IFT88: variants seen among roughly 807,000 people sequenced by gnomAD.
The protein encoded by IFT88 is intraflagellar transport protein 88 homolog.
IFT88 carries 74 observed loss-of-function variants against 119.5 expected under a neutral mutation model. The ratio of observed to expected loss-of-function variants is 0.62; its 90% CI spans 0.51 to 0.75. The LOEUF (loss-of-function observed/expected upper bound fraction) is 0.75. Ranked by LOEUF, IFT88 falls within the 30% of genes least tolerant of loss-of-function variation. The pLI, the probability that IFT88 is intolerant of heterozygous loss-of-function variation, is 0.00. For missense variants in IFT88, 961 were observed against 977.7 expected, an observed-to-expected ratio of 0.98 and a Z score of 0.23; for synonymous variants, 279 against 316.7, an observed-to-expected ratio of 0.88 and a Z score of 1.26.
intron 8 of IFT88, 54 bp downstream of exon 8, chr13:20,596,294 C>A: frequency 1.4e-6 from 1 of 732,054 alleles, no homozygotes; most frequent in Admixed American, 2.2e-5. Flanking sequence ...TGTATGTCTG[C>A]TTTTATACAT....
intron 20 of IFT88, among the ~76,000 whole-genome samples, chr13:20,652,052 T>C (rs151279967): frequency 0.01 from 1,524 of 152,202 alleles, 26 homozygotes; most frequent in African/African-American, 0.034. Flanking sequence ...TCAGAAGTTA[T>C]TGGGGATTGT....
intron 24 of IFT88, among the ~76,000 whole-genome samples, chr13:20,686,569 A>C (rs200483892): frequency 6.6e-6 from 1 of 151,692 alleles, no homozygotes; most frequent in Non-Finnish European, 1.5e-5. Flanking sequence ...AAATTGATAC[A>C]TTTTTTCTTA....
chr13:20,605,816 T>C (rs1288580676), intron 13 of IFT88, among the ~76,000 whole-genome samples: 1 of 152,184 alleles, frequency 6.6e-6, no homozygotes, highest in Non-Finnish European at 1.5e-5. Context: ...GAAAATACTT[T>C]ATTTGTACTT....
chr13:20,644,237 T>C (rs2050398179), intron 19 of IFT88, among the ~76,000 whole-genome samples: 1 of 151,990 alleles, frequency 6.6e-6, no homozygotes, highest in Non-Finnish European at 1.5e-5. Flanking sequence ...TGGTGGCCCA[T>C]ACCTTTAATC....
At chr13:20,609,494 A>G (rs1218482040) in intron 13 of IFT88, among the ~76,000 whole-genome samples, 1 of 152,100 alleles carries the variant, frequency 6.6e-6, no homozygotes, top group East Asian at 1.9e-4. Context: ...CGGTGGTTCA[A>G]CCCTGTAATC....
In IFT88 at chr13:20,591,097, T is replaced by C. The variant is rs891840846; in HGVS notation, c.264+77T>C. ...TTACTACCAAAGTTTTTTTACTTTA[T>C]TATATTATTTTAAAATGTTAAAGAA... On this transcript the variant is annotated intron_variant, in intron 5 of 25. Transcript: ENST00000351808. The C allele has an allele frequency of 1.6e-4, 146 of 922,462 alleles. No individual in the cohort carries two copies. The South Asian group carries it at 2.2e-3, about 14-fold the overall frequency. 57.1% of individuals were successfully genotyped at this position (922,462 alleles called of 1,614,324 possible). A position where few individuals can be genotyped will look rare whatever the true frequency, so the allele number is the denominator to read the frequency against.
In IFT88 at chr13:20,638,366, A is replaced by T. The variant is rs756856359; in HGVS notation, c.1421A>T (p.Asp474Val). The change falls in exon 17 of 26, where the codon GAT becomes GTT. Residue 474 changes from aspartate (D) to valine (V), a missense_variant. Coordinates refer to ENST00000351808, the MANE Select transcript of IFT88 (RefSeq NM_006531.5). ...KDFAQASSYA[D>V]IAVNSDRYNP... ...TTTGCACAAGCCAGCAGCTATGCAG[A>T]TATAGCTGTGAACTCTGATAGATAT... The T allele has an allele frequency of 1.4e-6, 2 of 1,446,118 alleles. No homozygotes were observed. Among genetic ancestry groups the T allele is most frequent in the East Asian group, 5.2e-5 (2 of 38,492 alleles). The allele number at this position is 1,446,118 out of a possible 1,614,324, so 89.6% of individuals were successfully genotyped here. A position where few individuals can be genotyped will look rare whatever the true frequency, so the allele number is the denominator to read the frequency against.
intron 23 of IFT88, among the ~76,000 whole-genome samples, chr13:20,666,850 A>G (rs114813352): frequency 0.012 from 1,858 of 152,364 alleles, 36 homozygotes; most frequent in African/African-American, 0.043. Context: ...CTATCCCACC[A>G]CTTAGACATC....
At chr13:20,641,211 A>C (rs548922617) in intron 17 of IFT88, 79 bp from the exon 18 acceptor site, 5 of 792,540 alleles carry the variant, frequency 6.3e-6, no homozygotes, top group African/African-American at 5.3e-5. Context: ...ATATATTTTG[A>C]GATTTATTCT....
intron 14 of IFT88, among the ~76,000 whole-genome samples, chr13:20,618,166 C>T (rs1046738321): frequency 1.3e-5 from 2 of 152,090 alleles, no homozygotes; most frequent in Non-Finnish European, 2.9e-5. Context: ...GTGATCCGCT[C>T]GCCTTGGCCT....
chr13:20,596,242 T>A lies in IFT88; in HGVS notation c.489+2T>A, dbSNP rs537503008. The A allele has an allele frequency of 7.8e-6, 11 of 1,402,894 alleles. No individual in the cohort carries two copies. In the South Asian group the frequency reaches 1.4e-4, roughly 18 times the overall value. The allele number at this position is 1,402,894 out of a possible 1,614,324, so 86.9% of individuals were successfully genotyped here. ...AATAGTTGTGGAGACTTAAAATTGG[T>A]AAGTTCATAAACAAGATTCAAAATT... On this transcript the variant is annotated splice_donor_variant, in intron 8 of 25. Transcript: ENST00000351808. LOFTEE classifies it high-confidence loss of function.
intron 11 of IFT88, among the ~76,000 whole-genome samples, chr13:20,600,749 T>C (rs1318962089): frequency 6.6e-6 from 1 of 152,244 alleles, no homozygotes; most frequent in Admixed American, 6.5e-5. Context: ...TGACCAGCAA[T>C]TCTGCTTTTA....
chr13:20,614,214 T>C (rs1458828421), intron 13 of IFT88: 1 of 152,226 alleles, frequency 6.6e-6, no homozygotes, highest in Non-Finnish European at 1.5e-5. Flanking sequence ...CTTCATTATT[T>C]TTAAATCAAT....
intron 14 of IFT88, among the ~76,000 whole-genome samples, chr13:20,621,875 C>T (rs1000628061): frequency 1.3e-5 from 2 of 152,192 alleles, no homozygotes; most frequent in African/African-American, 4.8e-5. Flanking sequence ...CCCTAAAAAT[C>T]TCCTGTGTTG....
chr13:20,594,369 A>G (rs978682280), intron 7 of IFT88, among the ~76,000 whole-genome samples: 3 of 152,214 alleles, frequency 2.0e-5, no homozygotes, highest in African/African-American at 7.2e-5. Flanking sequence ...TGAAGCAGAT[A>G]TGCCTTCATT....
intron 2 of IFT88, among the ~76,000 whole-genome samples, chr13:20,581,306 T>A (rs2138267740): frequency 6.6e-6 from 1 of 152,322 alleles, no homozygotes; most frequent in Admixed American, 6.5e-5. Flanking sequence ...AAAAGTTGTA[T>A]AAGTTTGGTG....
chr13:20,574,447 A>G lies in IFT88; in HGVS notation c.62A>G (p.Asn21Ser). Reference protein sequence around the residue: ...TDEDDLYSGYNDYNPIYDIEE... With the variant: ...TDEDDLYSGYSDYNPIYDIEE... ...GAAGATGATCTTTATTCCGGCTATA[A>G]TGACTACAATCCAATCTATGATATC... The change falls in exon 2 of 26, where the codon AAT becomes AGT. Residue 21 changes from asparagine (N) to serine (S), a missense_variant. Physicochemically the swap from Asn to Ser is conservative, Grantham distance 46 (BLOSUM62 1). Coordinates refer to ENST00000351808, the MANE Select transcript of IFT88 (RefSeq NM_006531.5). 1 of 1,608,474 alleles carries G rather than the reference A, an allele frequency of 6.2e-7. No individual in the cohort carries two copies. The highest frequency in any genetic ancestry group is 1.7e-5 in the Admixed American group (1 of 59,898).
intron 8 of IFT88, 50 bp from the exon 9 acceptor site, chr13:20,596,965 A>G (rs1566122868): frequency 3.9e-6 from 4 of 1,020,370 alleles, no homozygotes; most frequent in African/African-American, 3.3e-5. Context: ...CAAATGCATA[A>G]AAGTTGATGA....
intron 22 of IFT88, chr13:20,663,161 G>C: frequency 1.0e-6 from 1 of 955,554 alleles, no homozygotes; most frequent in Non-Finnish European, 1.4e-6. Flanking sequence ...CTCTCTTATA[G>C]CTCTTTATAT....
Sources: allele counts gnomAD v4.1 joint callset (sites outside exome capture counted in the v4.1 genomes callset), GRCh38; gene constraint gnomAD v4.1.1; transcripts MANE v1.5; gene names NCBI Gene and HGNC (gene_info 2026-07-23, HGNC 2026-07-21).